The following TRDMT1 variants were observed in gnomAD, a reference collection of about 807,000 sequenced individuals.
The protein encoded by TRDMT1 is tRNA aspartic acid methyltransferase 1.
In TRDMT1, 49 loss-of-function variants were observed where a neutral mutation model predicts 51.2. The observed-to-expected ratio is 0.96, with a 90% CI of 0.76 to 1.21. TRDMT1 has a LOEUF of 1.21. TRDMT1 is among the 50% of genes most tolerant of loss of function. The pLI, the probability that TRDMT1 is intolerant of heterozygous loss-of-function variation, is 0.00. For synonymous variants in TRDMT1, 187 were observed against 164.6 expected (o/e 1.14, Z -1.04); for missense variants, 534 against 462.3 (o/e 1.16, Z -1.42).
At chr10:17,164,310 A>G (rs1477120212) in intron 3 of TRDMT1, among the ~76,000 whole-genome samples, 1 of 152,166 alleles carries the variant, frequency 6.6e-6, no homozygotes, top group Non-Finnish European at 1.5e-5. Context: ...CTTTGACAAA[A>G]CTCAACAACC....
At position 17,145,503 on chromosome 10, in the gene TRDMT1, A is replaced by C. The variant is rs1240704130; in HGVS notation, c.*3537T>G. ...ATCACAGGCTACAAGAAAACTGCTGAGGCTATATGACCCTCACACAGTTTC... is the reference window on the plus strand; with the variant it reads ...ATCACAGGCTACAAGAAAACTGCTGCGGCTATATGACCCTCACACAGTTTC... On this transcript the variant is annotated 3_prime_UTR_variant, in exon 11 of 11. Transcript: ENST00000377799. 1 of 985,328 alleles carries C rather than the reference A, an allele frequency of 1.0e-6. No homozygotes were observed. Among genetic ancestry groups the C allele is most frequent in the Non-Finnish European group, 1.2e-6 (1 of 829,936 alleles). 61.0% of individuals were successfully genotyped at this position (985,328 alleles called of 1,614,324 possible). A position where few individuals can be genotyped will look rare whatever the true frequency, so the allele number is the denominator to read the frequency against.
chr10:17,190,878 A>G (rs1257455087), intron 1 of TRDMT1, among the ~76,000 whole-genome samples: 1 of 152,236 alleles, frequency 6.6e-6, no homozygotes, highest in African/African-American at 2.4e-5. Context: ...TAAACAAACA[A>G]GTTTAAATTA....
At position 17,174,644 on chromosome 10, in the gene TRDMT1, T is replaced by C. The variant is rs1842422177; in HGVS notation, c.81A>G (p.Ala27=). The change falls in exon 2 of 11, where the codon GCA becomes GCG. Residue 27 remains alanine (A), a synonymous_variant. Coordinates refer to ENST00000377799, the MANE Select transcript of TRDMT1 (RefSeq NM_004412.7). Reference sequence around the variant, plus strand: ...TGACATCAATGGCAGCCACCACTTGTGCAGGTATACAGCTTTCTGTAATGA... The same window carrying C: ...TGACATCAATGGCAGCCACCACTTGCGCAGGTATACAGCTTTCTGTAATGA... ...HHALRESCIP[A]QVVAAIDVNT... The C allele has an allele frequency of 6.2e-7, 1 of 1,613,656 alleles. No homozygotes were observed. The highest frequency in any genetic ancestry group is 1.3e-5 in the African/African-American group (1 of 74,926).
rs1029263933 is a variant in TRDMT1, at chr10:17,165,213, C to G, written c.252-2976G>C. 7.2e-5 allele frequency among the ~76,000 whole-genome samples: 11 copies of G among 152,132 alleles called. No individual in the cohort carries two copies. In the South Asian group the frequency reaches 2.3e-3, roughly 32 times the overall value. ...CAGAACAGAGCCCTCAGAAATAATGCCACTTATCTACAACTATCTGATCTT... is the reference window on the plus strand; with the variant it reads ...CAGAACAGAGCCCTCAGAAATAATGGCACTTATCTACAACTATCTGATCTT... On this transcript the variant is annotated intron_variant, in intron 3 of 10. Coordinates refer to ENST00000377799, the MANE Select transcript of TRDMT1 (RefSeq NM_004412.7).
chr10:17,174,494 G>C, intron 2 of TRDMT1, 57 bp downstream of exon 2: 1 of 1,246,274 alleles, frequency 8.0e-7, no homozygotes, highest in South Asian at 1.2e-5. Context: ...ATTAGGCAGT[G>C]TTTTTCAATC....
chr10:17,171,936 TG>T (rs1163829609), intron 2 of TRDMT1: 1 of 166,726 alleles, frequency 6.0e-6, no homozygotes, highest in East Asian at 1.9e-4. Flanking sequence ...TTTGTTCCAC[TG>T]GAGTCATTCT....
intron 10 of TRDMT1, chr10:17,153,260 C>G (rs951615733): frequency 4.0e-6 from 2 of 498,310 alleles, no homozygotes; most frequent in Non-Finnish European, 3.5e-6. Flanking sequence ...CCAATGTGAC[C>G]CTTCTAGCCA....
At chr10:17,188,997 T>C (rs1844325148) in intron 1 of TRDMT1, among the ~76,000 whole-genome samples, 1 of 152,212 alleles carries the variant, frequency 6.6e-6, no homozygotes, top group Non-Finnish European at 1.5e-5. Flanking sequence ...GTGACCTCAA[T>C]AAGCATCTAG....
intron 10 of TRDMT1, chr10:17,150,550 T>C: frequency 1.0e-6 from 1 of 985,370 alleles, no homozygotes; most frequent in Non-Finnish European, 1.2e-6. Flanking sequence ...GTGTGCACTA[T>C]AATGTTAGTT....
chr10:17,146,579 C>G lies in TRDMT1; in HGVS notation c.*2461G>C, dbSNP rs7075056. The G allele has an allele frequency of 0.15, 146,654 of 984,908 alleles. 11,093 individuals are homozygous for G. The highest frequency in any genetic ancestry group is 0.17 in the Admixed American group (2,789 of 16,262). 61.0% of individuals were successfully genotyped at this position (984,908 alleles called of 1,614,324 possible). A position where few individuals can be genotyped will look rare whatever the true frequency, so the allele number is the denominator to read the frequency against. On this transcript the variant is annotated 3_prime_UTR_variant, in exon 11 of 11. Transcript: ENST00000377799. ...ATGAAGCAGGGTAATAAATACCTTA[C>G]AATTATCTGGCAAGCCGTTTAAAAG...
At chr10:17,191,814 C>T (rs1333208873) in intron 1 of TRDMT1, among the ~76,000 whole-genome samples, 2 of 152,100 alleles carry the variant, frequency 1.3e-5, no homozygotes, top group African/African-American at 4.8e-5. Context: ...AGCGTGACTC[C>T]CCACCTCCCT....
chr10:17,182,685 T>A (rs1015632607), intron 1 of TRDMT1, among the ~76,000 whole-genome samples: 1 of 152,312 alleles, frequency 6.6e-6, no homozygotes, highest in Admixed American at 6.5e-5. Context: ...GGATACTAAA[T>A]ACAACAAATA....
At chr10:17,160,284 A>G (rs759417589) in intron 6 of TRDMT1, 21 bp downstream of exon 6, 1 of 1,435,972 alleles carries the variant, frequency 7.0e-7, no homozygotes, top group African/African-American at 1.5e-5. Flanking sequence ...TTATATAAGC[A>G]TTTATAACTG....
rs1338901708 is a variant in TRDMT1 at position 17,141,304 on chromosome 10, G to T, written c.*7736C>A. Among the ~76,000 whole-genome samples, 1 of 152,108 alleles carries T rather than the reference G, an allele frequency of 6.6e-6. No individual in the cohort carries two copies. The highest frequency in any genetic ancestry group is 2.4e-5 in the African/African-American group (1 of 41,416). On this transcript the variant is annotated 3_prime_UTR_variant, in exon 11 of 11. Transcript: ENST00000377799. ...AGCCTCCCGAGTAGCTGGGACTACA[G>T]GCATGCACCACCATGCCCGGCTAAT...
At chr10:17,190,108 G>A (rs984258588) in intron 1 of TRDMT1, among the ~76,000 whole-genome samples, 12 of 152,038 alleles carry the variant, frequency 7.9e-5, no homozygotes, top group South Asian at 2.1e-4. Context: ...GCGAAGTAAC[G>A]GTAATTTTTA....
rs1482114025 is a variant in TRDMT1, at chr10:17,201,662, G to A, written c.-28C>T. On this transcript the variant is annotated 5_prime_UTR_variant, in exon 1 of 11. Coordinates refer to ENST00000377799, the MANE Select transcript of TRDMT1 (RefSeq NM_004412.7). Reference sequence around the variant, plus strand: ...CCGCGCCTCAGCCGCCGCAGCCCCGGAGCTAGGCCTGCCGGTCCGTCGCTC... The same window carrying A: ...CCGCGCCTCAGCCGCCGCAGCCCCGAAGCTAGGCCTGCCGGTCCGTCGCTC... 1 of 1,533,688 alleles carries A rather than the reference G, an allele frequency of 6.5e-7. No individual in the cohort carries two copies.
chr10:17,164,509 T>G (rs1381805592), intron 3 of TRDMT1, among the ~76,000 whole-genome samples: 1 of 152,178 alleles, frequency 6.6e-6, no homozygotes, highest in Non-Finnish European at 1.5e-5. Context: ...GTGTTGGAAG[T>G]TCTGGCCAGG....
intron 3 of TRDMT1, among the ~76,000 whole-genome samples, chr10:17,164,951 A>G (rs541693619): frequency 5.9e-4 from 90 of 152,316 alleles, no homozygotes; most frequent in African/African-American, 2.1e-3. Context: ...TGCCCAAGGT[A>G]ATTTATAGAT....
In TRDMT1 at chr10:17,143,695, A is replaced by C. The variant is rs1374224982; in HGVS notation, c.*5345T>G. 2 of 985,462 alleles carry C rather than the reference A, an allele frequency of 2.0e-6. No individual in the cohort carries two copies. Among genetic ancestry groups the C allele is most frequent in the Non-Finnish European group, 2.4e-6 (2 of 829,936 alleles). The allele number at this position is 985,462 out of a possible 1,614,324, so 61.0% of individuals were successfully genotyped here. A position where few individuals can be genotyped will look rare whatever the true frequency, so the allele number is the denominator to read the frequency against. ...TTTTAAATCTCAGTGACTTTTTATA[A>C]GTTTTCCTAAAAATAAATGATCGTT... On this transcript the variant is annotated 3_prime_UTR_variant, in exon 11 of 11. Coordinates refer to ENST00000377799, the MANE Select transcript of TRDMT1 (RefSeq NM_004412.7).
Sources: gnomAD v4.1 joint callset for allele counts (sites outside exome capture counted in the v4.1 genomes callset) on GRCh38, gnomAD v4.1.1 for gene constraint, MANE v1.5 for transcripts, NCBI Gene and HGNC (gene_info 2026-07-23, HGNC 2026-07-21) for gene names.